Variants in CSGALNACT1 observed in about 807,000 individuals in gnomAD.
CSGALNACT1 encodes chondroitin sulfate N-acetylgalactosaminyltransferase 1.
A neutral mutation model predicts 51.0 loss-of-function variants in CSGALNACT1; 52 were observed. The ratio of observed to expected loss-of-function variants is 1.02; its 90% CI spans 0.82 to 1.29. CSGALNACT1 has a LOEUF of 1.29. CSGALNACT1 is among the 50% of genes most tolerant of loss of function. The pLI is 0.00. For synonymous variants in CSGALNACT1, 341 were observed against 254.4 expected, an observed-to-expected ratio of 1.34 and a Z score of -3.24; for missense variants, 935 against 679.2, an observed-to-expected ratio of 1.38 and a Z score of -4.19.
At chr8:19,472,331 T>G (rs540006663) in intron 4 of CSGALNACT1, among the ~76,000 whole-genome samples, 1 of 152,238 alleles carries the variant, frequency 6.6e-6, no homozygotes, top group East Asian at 1.9e-4. Flanking sequence ...AACCAAAAGG[T>G]CAAAGACCAA....
At chr8:19,693,277 T>A (rs2061421753) in intron 1 of CSGALNACT1, among the ~76,000 whole-genome samples, 1 of 151,830 alleles carries the variant, frequency 6.6e-6, no homozygotes, top group African/African-American at 2.4e-5. Context: ...TGATTCCAAC[T>A]CCCAGCAGAC....
intron 3 of CSGALNACT1, among the ~76,000 whole-genome samples, chr8:19,578,278 C>G (rs1460589285): frequency 6.6e-6 from 1 of 152,310 alleles, no homozygotes; most frequent in African/African-American, 2.4e-5. Flanking sequence ...ATTATGTGAG[C>G]TAGGCCAGCA....
chr8:19,648,165 T>C (rs905616858), intron 1 of CSGALNACT1, among the ~76,000 whole-genome samples: 4 of 152,238 alleles, frequency 2.6e-5, no homozygotes, highest in African/African-American at 9.6e-5. Context: ...ACTTACTTGC[T>C]CCTTCCAACA....
intron 4 of CSGALNACT1, among the ~76,000 whole-genome samples, chr8:19,474,033 C>G (rs1194110381): frequency 6.6e-6 from 1 of 152,262 alleles, no homozygotes; most frequent in African/African-American, 2.4e-5. Context: ...TTATCTCAAA[C>G]TGGTACATTG....
chr8:19,556,694 T>A (rs959234740), intron 3 of CSGALNACT1, among the ~76,000 whole-genome samples: 2 of 152,202 alleles, frequency 1.3e-5, no homozygotes, highest in East Asian at 1.9e-4. Context: ...TTCTCCTTTT[T>A]TTTTTCTCTC....
chr8:19,501,052 C>A (rs1181803899), intron 4 of CSGALNACT1, among the ~76,000 whole-genome samples: 1 of 151,622 alleles, frequency 6.6e-6, no homozygotes, highest in Non-Finnish European at 1.5e-5. Context: ...GAGTTCGAGA[C>A]CAGCCTGGCC....
rs887885512 is a variant in CSGALNACT1, at chr8:19,609,178, CT to C, written c.-543-7314del. ...ATTGGGTTAGGCTGATGGAAGGATG[CT>C]TTTTTTTTTATATTGAGATTGAGGG... On this transcript the variant is annotated intron_variant, in intron 1 of 9. Coordinates refer to the CSGALNACT1 transcript ENST00000332246. Among the ~76,000 whole-genome samples the C allele has an allele frequency of 4.8e-4, 69 of 142,954 alleles. 1 individual carries two copies. Among genetic ancestry groups the C allele is most frequent in the South Asian group, 6.8e-4 (3 of 4,428 alleles). The allele number at this position is 142,954 out of a possible 152,430, so 93.8% of individuals were successfully genotyped here. A position where few individuals can be genotyped will look rare whatever the true frequency, so the allele number is the denominator to read the frequency against.
At chr8:19,679,547 C>A (rs191465208) in intron 1 of CSGALNACT1, among the ~76,000 whole-genome samples, 2 of 152,142 alleles carry the variant, frequency 1.3e-5, no homozygotes, top group African/African-American at 4.8e-5. Flanking sequence ...AAGGTACTGA[C>A]GCAGGATGCT....
rs563353131 is a variant in CSGALNACT1, at chr8:19,569,164, G to C, written c.-297+21996C>G. Among the ~76,000 whole-genome samples the C allele has an allele frequency of 6.6e-5, 10 of 152,296 alleles. No individual in the cohort carries two copies. The East Asian group carries it at 1.7e-3, about 26-fold the overall frequency. ...ACCATTAGCCAGATGGGCGTAGTGG[G>C]AATATCCTGAAAAGTACACAGTTAA... On this transcript the variant is annotated intron_variant, in intron 3 of 9. Transcript: ENST00000454498.
At chr8:19,555,764 G>A (rs1006010697) in intron 3 of CSGALNACT1, among the ~76,000 whole-genome samples, 21 of 152,134 alleles carry the variant, frequency 1.4e-4, no homozygotes, top group African/African-American at 4.3e-4. Flanking sequence ...GAAATCTATC[G>A]TCACCTTAAT....
chr8:19,567,547 A>C (rs571604424), intron 3 of CSGALNACT1, among the ~76,000 whole-genome samples: 10 of 152,186 alleles, frequency 6.6e-5, no homozygotes, highest in Non-Finnish European at 1.5e-4. Flanking sequence ...GAAACGTTAA[A>C]ACTTCTTCTT....
intron 1 of CSGALNACT1, among the ~76,000 whole-genome samples, chr8:19,735,696 T>G (rs1362925818): frequency 6.6e-6 from 1 of 152,184 alleles, no homozygotes; most frequent in Non-Finnish European, 1.5e-5. Flanking sequence ...GATCTGACCC[T>G]TATTTAACAA....
intron 1 of CSGALNACT1, among the ~76,000 whole-genome samples, chr8:19,654,717 G>T (rs530581332): frequency 1.1e-3 from 168 of 151,930 alleles, no homozygotes; most frequent in Admixed American, 1.8e-3. Flanking sequence ...CTAATTTTTT[G>T]TATTTTTGGT....
intron 3 of CSGALNACT1, among the ~76,000 whole-genome samples, chr8:19,518,010 T>C (rs146135411): frequency 0.021 from 3,247 of 152,178 alleles, 41 homozygotes; most frequent in Non-Finnish European, 0.034. Flanking sequence ...ACTCCAAGAC[T>C]CAGGAAAGTA....
At chr8:19,731,149 C>G (rs1180289549) in intron 1 of CSGALNACT1, among the ~76,000 whole-genome samples, 1 of 152,146 alleles carries the variant, frequency 6.6e-6, no homozygotes, top group East Asian at 1.9e-4. Flanking sequence ...TGTGACGCCA[C>G]TTTTTCATAA....
chr8:19,602,771 G>A (rs1037476860), upstream of CSGALNACT1: 1 of 152,072 alleles, frequency 6.6e-6, no homozygotes, highest in African/African-American at 2.4e-5. Flanking sequence ...GGAAAGAGGT[G>A]CAAGCAAAAT....
chr8:19,534,978 G>C (rs2083461855), intron 3 of CSGALNACT1, among the ~76,000 whole-genome samples: 2 of 152,154 alleles, frequency 1.3e-5, no homozygotes, highest in Admixed American at 1.3e-4. Context: ...ATATGTGGTG[G>C]CTGACACCAC....
At chr8:19,409,654 C>T (rs2055223445) in intron 8 of CSGALNACT1, among the ~76,000 whole-genome samples, 1 of 152,146 alleles carries the variant, frequency 6.6e-6, no homozygotes, top group African/African-American at 2.4e-5. Flanking sequence ...AGGACACCCC[C>T]ACATCCTGTC....
chr8:19,549,212 C>T (rs572235053), intron 3 of CSGALNACT1, among the ~76,000 whole-genome samples: 129 of 152,072 alleles, frequency 8.5e-4, no homozygotes, highest in African/African-American at 3.0e-3. Context: ...CCTCTCCATC[C>T]TCTCCCCTCG....
Sources: allele counts gnomAD v4.1 joint callset (sites outside exome capture counted in the v4.1 genomes callset), GRCh38; gene constraint gnomAD v4.1.1; transcripts MANE v1.5; gene names NCBI Gene and HGNC (gene_info 2026-07-23, HGNC 2026-07-21).